The following BCHE variants were observed in gnomAD, a reference collection of about 807,000 sequenced individuals.
BCHE encodes the protein cholinesterase.
Under a neutral mutation model 51.3 loss-of-function variants are expected in BCHE, and 48 were observed. The observed-to-expected ratio is 0.94, with a 90% CI of 0.74 to 1.19. The LOEUF (loss-of-function observed/expected upper bound fraction) is 1.19. BCHE is among the 50% of genes most tolerant of loss of function. The pLI is 0.00. For missense variants in BCHE, 847 were observed against 708.2 expected (o/e 1.20, Z -2.23); for synonymous variants, 251 against 238.0 (o/e 1.05, Z -0.50).
At position 165,785,754 on chromosome 3, in the gene BCHE, C is replaced by T. The variant is rs140136456; in HGVS notation, c.1684+391G>A. On this transcript the variant is annotated intron_variant, in intron 3 of 3. Coordinates refer to ENST00000264381, the MANE Select transcript of BCHE (RefSeq NM_000055.4). ...TATTTATCAATAAATCTGTTTTTAC[C>T]AATTTATGCATCTTATTTTTTAGTT... Among the ~76,000 whole-genome samples the T allele has an allele frequency of 2.7e-3, 405 of 151,058 alleles. 4 individuals carry two copies. The highest frequency in any genetic ancestry group is 3.1e-3 in the Non-Finnish European group (207 of 67,518).
intron 2 of BCHE, among the ~76,000 whole-genome samples, chr3:165,802,195 A>G (rs1713678137): frequency 6.6e-6 from 1 of 152,208 alleles, no homozygotes; most frequent in Non-Finnish European, 1.5e-5. Context: ...ATCAGAGCGT[A>G]TTTATCCATT....
chr3:165,806,384 G>A (rs928834956), intron 2 of BCHE, among the ~76,000 whole-genome samples: 15 of 152,022 alleles, frequency 9.9e-5, no homozygotes, highest in Non-Finnish European at 2.9e-5. Context: ...CTCCTATGTT[G>A]TATTTCCCAA....
chr3:165,786,332 A>G, intron 2 of BCHE, 21 bp from the exon 3 acceptor site: 6 of 1,585,270 alleles, frequency 3.8e-6, no homozygotes, highest in Non-Finnish European at 5.2e-6. Flanking sequence ...AAATAGAGAC[A>G]TTATAGTAAA....
At chr3:165,809,146 T>C (rs16849668) in intron 2 of BCHE, among the ~76,000 whole-genome samples, 3,701 of 152,276 alleles carry the variant, frequency 0.024, 155 homozygotes, top group African/African-American at 0.085. Context: ...ATAATGTTAT[T>C]TGGTATTTAG....
At position 165,773,312 on chromosome 3, in the gene BCHE, G is replaced by T; in HGVS notation, c.*70C>A. On this transcript the variant is annotated 3_prime_UTR_variant, in exon 4 of 4. Coordinates refer to ENST00000264381, the MANE Select transcript of BCHE (RefSeq NM_000055.4). ...ACATAATAACTTTTTTAGTAGGTGT[G>T]TAAAAAAGCTCCTGATATTTTTGCC... 2 of 1,459,946 alleles carry T rather than the reference G, an allele frequency of 1.4e-6. No homozygotes were observed. Among genetic ancestry groups the T allele is most frequent in the Non-Finnish European group, 1.9e-6 (2 of 1,058,684 alleles). The allele number at this position is 1,459,946 out of a possible 1,614,324, so 90.4% of individuals were successfully genotyped here.
At chr3:165,820,578 G>A (rs1429578143) in intron 2 of BCHE, among the ~76,000 whole-genome samples, 3 of 151,960 alleles carry the variant, frequency 2.0e-5, no homozygotes, top group Admixed American at 6.6e-5. Flanking sequence ...TCATGAAAAT[G>A]TTCCATTGGG....
rs1712949500 is a variant in BCHE, at chr3:165,786,312, C to A, written c.1518-1G>T. Reference sequence around the variant, plus strand: ...ATTGTTCTGAGTCTCATTTGGATTCCTAAATAATAAAATAGAGACATTATA... The same window carrying A: ...ATTGTTCTGAGTCTCATTTGGATTCATAAATAATAAAATAGAGACATTATA... On this transcript the variant is annotated splice_acceptor_variant, in intron 2 of 3. Transcript: ENST00000264381. LOFTEE classifies it high-confidence loss of function. 3.7e-6 allele frequency: 6 copies of A among 1,608,268 alleles called. No homozygotes were observed. Among genetic ancestry groups the A allele is most frequent in the Non-Finnish European group, 4.3e-6 (5 of 1,176,242 alleles).
intron 2 of BCHE, among the ~76,000 whole-genome samples, chr3:165,805,451 G>T (rs527625444): frequency 2.7e-5 from 4 of 150,128 alleles, no homozygotes; most frequent in Non-Finnish European, 4.5e-5. Flanking sequence ...GTTACTAAAG[G>T]TTACTGCTAG....
intron 2 of BCHE, 67 bp from the exon 3 acceptor site, chr3:165,786,378 T>C: frequency 7.2e-7 from 1 of 1,396,250 alleles, no homozygotes; most frequent in Admixed American, 1.9e-5. Flanking sequence ...GAATATTGTT[T>C]TCTAACACTG....
In BCHE at chr3:165,786,407, A is replaced by G; in HGVS notation, c.1518-96T>C. ...AACACTGTTCACAAGAGCTTTAAAG[A>G]ATTTAAGACAGAAAAAATGTGGATA... On this transcript the variant is annotated intron_variant, in intron 2 of 3. Coordinates refer to ENST00000264381, the MANE Select transcript of BCHE (RefSeq NM_000055.4). 3.3e-6 allele frequency: 4 copies of G among 1,196,174 alleles called. No homozygotes were observed. The South Asian group carries it at 5.8e-5, about 17-fold the overall frequency. The allele number at this position is 1,196,174 out of a possible 1,614,324, so 74.1% of individuals were successfully genotyped here.
At position 165,836,732 on chromosome 3, in the gene BCHE, G is replaced by A. The variant is rs181681056; in HGVS notation, c.-9+582C>T. ...TGAACACAAAGGGCAAAGGGGACACGCTCATAAATCACTGTAAATCAAATT... is the reference window on the plus strand; with the variant it reads ...TGAACACAAAGGGCAAAGGGGACACACTCATAAATCACTGTAAATCAAATT... On this transcript the variant is annotated intron_variant, in intron 1 of 3. Transcript: ENST00000264381. 1.9e-3 allele frequency among the ~76,000 whole-genome samples: 296 copies of A among 152,082 alleles called. 7 individuals carry two copies. Among genetic ancestry groups the A allele is most frequent in the Non-Finnish European group, 6.2e-4 (42 of 67,950 alleles).
intron 2 of BCHE, among the ~76,000 whole-genome samples, chr3:165,826,204 A>G (rs1256711142): frequency 6.6e-6 from 1 of 152,200 alleles, no homozygotes; most frequent in East Asian, 1.9e-4. Flanking sequence ...TCTTCCAGAA[A>G]AATATTCGTA....
intron 3 of BCHE, among the ~76,000 whole-genome samples, chr3:165,779,486 C>T (rs1560001418): frequency 1.3e-5 from 2 of 152,032 alleles, no homozygotes; most frequent in Admixed American, 1.3e-4. Context: ...TGTCTTTGTT[C>T]GTAGACAACA....
intron 1 of BCHE, among the ~76,000 whole-genome samples, chr3:165,833,518 C>T (rs916210839): frequency 1.3e-5 from 2 of 152,046 alleles, no homozygotes; most frequent in South Asian, 2.1e-4. Flanking sequence ...AGTGAAAATA[C>T]TATATTATAA....
chr3:165,815,251 A>T (rs1446580910), intron 2 of BCHE, among the ~76,000 whole-genome samples: 1 of 148,166 alleles, frequency 6.7e-6, no homozygotes, highest in East Asian at 1.9e-4. Flanking sequence ...ATTTTAGAAA[A>T]AAAAAAAAAA....
At chr3:165,777,525 C>T (rs1712517277) in intron 3 of BCHE, among the ~76,000 whole-genome samples, 1 of 151,960 alleles carries the variant, frequency 6.6e-6, no homozygotes, top group South Asian at 2.1e-4. Flanking sequence ...TTATCTAATA[C>T]TTAAGATAGT....
rs1715224660 is a variant in BCHE, at chr3:165,837,373, G to A, written c.-68C>T. 2 of 1,289,600 alleles carry A rather than the reference G, an allele frequency of 1.6e-6. No individual in the cohort carries two copies. Among genetic ancestry groups the A allele is most frequent in the Non-Finnish European group, 2.0e-6 (2 of 988,824 alleles). The allele number at this position is 1,289,600 out of a possible 1,614,324, so 79.9% of individuals were successfully genotyped here. ...AGGAGTGAAAATCATGTAATACTTC[G>A]GGGAAATGCAGGATGCAGCTGCTGC... On this transcript the variant is annotated 5_prime_UTR_variant, in exon 1 of 4. Transcript: ENST00000264381.
intron 2 of BCHE, among the ~76,000 whole-genome samples, chr3:165,825,477 A>G (rs1213550980): frequency 6.6e-6 from 1 of 152,182 alleles, no homozygotes; most frequent in Non-Finnish European, 1.5e-5. Context: ...GCTGAGATTC[A>G]TTGAAATTCA....
At chr3:165,812,211 A>G (rs1714128069) in intron 2 of BCHE, among the ~76,000 whole-genome samples, 1 of 151,946 alleles carries the variant, frequency 6.6e-6, no homozygotes, top group African/African-American at 2.4e-5. Flanking sequence ...TAAAAATACT[A>G]TTAATATCCT....
Sources: allele counts gnomAD v4.1 joint callset (sites outside exome capture counted in the v4.1 genomes callset), GRCh38; gene constraint gnomAD v4.1.1; transcripts MANE v1.5; gene names NCBI Gene and HGNC (gene_info 2026-07-23, HGNC 2026-07-21).